GMDS: variants seen among roughly 807,000 people sequenced by gnomAD.
GMDS encodes the protein GDP-mannose 4,6-dehydratase, also known as GDP-mannose 4,6 dehydratase.
In GMDS, 20 loss-of-function variants were observed where a neutral mutation model predicts 49.9. That is an observed-to-expected ratio of 0.40 (90% CI 0.28 to 0.58). GMDS has a LOEUF of 0.58. Among genes scored for constraint, GMDS ranks in the 20% least tolerant of loss-of-function variants. The pLI is 0.42. For synonymous variants in GMDS, 177 were observed against 178.6 expected, an observed-to-expected ratio of 0.99 and a Z score of 0.07; for missense variants, 362 against 481.4, an observed-to-expected ratio of 0.75 and a Z score of 2.32.
intron 7 of GMDS, among the ~76,000 whole-genome samples, chr6:1,918,325 C>T (rs2113896871): frequency 6.6e-6 from 1 of 152,300 alleles, no homozygotes; most frequent in East Asian, 1.9e-4. Flanking sequence ...TCATCAAGTA[C>T]TCCCATGGGT....
At chr6:2,159,800 A>G (rs1777300359) in intron 1 of GMDS, among the ~76,000 whole-genome samples, 1 of 152,100 alleles carries the variant, frequency 6.6e-6, no homozygotes, top group South Asian at 2.1e-4. Context: ...TACAGGTGTG[A>G]GCCACAGCAC....
At chr6:1,869,966 G>A (rs1758645555) in intron 7 of GMDS, among the ~76,000 whole-genome samples, 1 of 152,252 alleles carries the variant, frequency 6.6e-6, no homozygotes, top group Non-Finnish European at 1.5e-5. Flanking sequence ...GGTGGGTACA[G>A]CTGAGACGGC....
intron 4 of GMDS, among the ~76,000 whole-genome samples, chr6:2,066,363 T>A (rs9405544): frequency 8.1e-6 from 1 of 123,202 alleles, no homozygotes; most frequent in African/African-American, 3.4e-5. Context: ...CATCAACTAA[T>A]GAGCAAAATA....
Position 2,245,581 on chromosome 6 carries a change from G to A in GMDS, c.-159C>T, listed in dbSNP as rs940038618. 38 of 406,312 alleles carry A rather than the reference G, an allele frequency of 9.4e-5. No homozygotes were observed. Among genetic ancestry groups the A allele is most frequent in the Non-Finnish European group, 1.3e-4 (31 of 235,108 alleles). 25.2% of individuals were successfully genotyped at this position (406,312 alleles called of 1,614,324 possible). A position where few individuals can be genotyped will look rare whatever the true frequency, so the allele number is the denominator to read the frequency against. On this transcript the variant is annotated 5_prime_UTR_variant, in exon 1 of 11. Transcript: ENST00000380815. ...CGACCGGCCGCCACAGTCTGACAGG[G>A]GCGCACGGGAGGCCGTGCAGGGAGG... is the stretch of plus-strand genomic sequence containing the variant.
Position 2,060,627 on chromosome 6 carries a change from A to G in GMDS, c.345+55144T>C, listed in dbSNP as rs1771091138. On this transcript the variant is annotated intron_variant, in intron 4 of 10. Transcript: ENST00000380815. ...ATAAGTGAAATATGTAGAGTACGTT[A>G]GATAGTGATAAATGCTATGGAGAAA... 2.0e-5 allele frequency among the ~76,000 whole-genome samples: 3 copies of G among 152,232 alleles called. No homozygotes were observed. In the South Asian group the frequency reaches 6.2e-4, roughly 32 times the overall value.
intron 4 of GMDS, among the ~76,000 whole-genome samples, chr6:1,977,634 C>T: frequency 6.6e-6 from 1 of 152,106 alleles, no homozygotes; most frequent in Non-Finnish European, 1.5e-5. Context: ...CAGGGTGGGG[C>T]AATGGCCCAC....
intron 1 of GMDS, among the ~76,000 whole-genome samples, chr6:2,201,477 C>G (rs1382110231): frequency 8.1e-6 from 1 of 124,104 alleles, no homozygotes; most frequent in Non-Finnish European, 1.7e-5. Flanking sequence ...ATGAAACCAT[C>G]TAGGCAGTGA....
intron 4 of GMDS, among the ~76,000 whole-genome samples, chr6:2,057,358 C>A (rs1331010802): frequency 6.6e-6 from 1 of 152,180 alleles, no homozygotes; most frequent in Non-Finnish European, 1.5e-5. Context: ...TGAACAAATT[C>A]TTCCTCTAAT....
At chr6:2,177,690 G>A (rs1778346232) in intron 1 of GMDS, among the ~76,000 whole-genome samples, 1 of 152,102 alleles carries the variant, frequency 6.6e-6, no homozygotes, top group Non-Finnish European at 1.5e-5. Flanking sequence ...AAAGGAACGT[G>A]CCTAAAAATA....
chr6:1,924,177 A>C (rs980171769), intron 7 of GMDS, among the ~76,000 whole-genome samples: 7 of 152,240 alleles, frequency 4.6e-5, no homozygotes, highest in African/African-American at 1.7e-4. Flanking sequence ...GCATATAATA[A>C]GTGCTTAACA....
chr6:1,676,732 T>C (rs1197012397), intron 9 of GMDS, among the ~76,000 whole-genome samples: 1 of 152,168 alleles, frequency 6.6e-6, no homozygotes, highest in African/African-American at 2.4e-5. Flanking sequence ...TAGCCATATG[T>C]AGAAAGCTGA....
At chr6:2,175,816 T>C (rs1484930240) in intron 1 of GMDS, 2 of 642,364 alleles carry the variant, frequency 3.1e-6, no homozygotes, top group Admixed American at 2.5e-5. Context: ...CCTTAAAACA[T>C]GTTGTAAGCA....
intron 8 of GMDS, among the ~76,000 whole-genome samples, chr6:1,736,672 A>G (rs1767011313): frequency 6.6e-6 from 1 of 152,228 alleles, no homozygotes; most frequent in African/African-American, 2.4e-5. Context: ...AGTTAAATCT[A>G]TCTCAGGGAT....
chr6:1,677,126 A>G (rs1308027664), intron 9 of GMDS, among the ~76,000 whole-genome samples: 1 of 152,264 alleles, frequency 6.6e-6, no homozygotes, highest in African/African-American at 2.4e-5. Flanking sequence ...AAAGGATACG[A>G]ACAGACACTT....
chr6:1,869,606 CAA>C (rs1405223026), intron 7 of GMDS, among the ~76,000 whole-genome samples: 1 of 152,162 alleles, frequency 6.6e-6, no homozygotes, highest in African/African-American at 2.4e-5. Flanking sequence ...CAGTTTCTGA[CAA>C]TGGTTAGAAA....
At chr6:1,867,266 T>G (rs1758484291) in intron 7 of GMDS, among the ~76,000 whole-genome samples, 1 of 152,232 alleles carries the variant, frequency 6.6e-6, no homozygotes, top group African/African-American at 2.4e-5. Flanking sequence ...AGGATTACTT[T>G]TAAAAGTAGT....
chr6:1,770,107 AT>A (rs1353641081), intron 7 of GMDS, among the ~76,000 whole-genome samples: 1 of 152,188 alleles, frequency 6.6e-6, no homozygotes, highest in African/African-American at 2.4e-5. Context: ...TCTCTGTTTA[AT>A]TTTTAAAAGC....
At chr6:1,920,566 A>C (rs1022927693) in intron 7 of GMDS, among the ~76,000 whole-genome samples, 1 of 152,226 alleles carries the variant, frequency 6.6e-6, no homozygotes, top group African/African-American at 2.4e-5. Flanking sequence ...AAGATGAAGC[A>C]CTGAATATTG....
rs763612206 is a variant in GMDS at position 1,742,599 on chromosome 6, A to T, written c.772-13T>A. On this transcript the variant is annotated splice_polypyrimidine_tract_variant and intron_variant, in intron 7 of 10. Coordinates refer to ENST00000380815, the MANE Select transcript of GMDS (RefSeq NM_001500.4). ...TCAACCACATAGCCTAGAGGGAAAG[A>T]GAGGCAAGTTCACTTTGAAGTCACA... 2 of 1,443,730 alleles carry T rather than the reference A, an allele frequency of 1.4e-6. No individual in the cohort carries two copies. The highest frequency in any genetic ancestry group is 1.9e-6 in the Non-Finnish European group (2 of 1,027,358). The allele number at this position is 1,443,730 out of a possible 1,614,324, so 89.4% of individuals were successfully genotyped here.
Sources: gnomAD v4.1 joint callset for allele counts (sites outside exome capture counted in the v4.1 genomes callset) on GRCh38, gnomAD v4.1.1 for gene constraint, MANE v1.5 for transcripts, NCBI Gene and HGNC (gene_info 2026-07-23, HGNC 2026-07-21) for gene names.